Variants in TNPO2 observed in about 807,000 individuals in gnomAD.
TNPO2 encodes transportin-2.
In TNPO2, 16 loss-of-function variants were observed where a neutral mutation model predicts 111.1. That is an observed-to-expected ratio of 0.14 (90% CI 0.10 to 0.22). The LOEUF is 0.22. Ranked by LOEUF, TNPO2 falls within the 10% of genes least tolerant of loss-of-function variation. The pLI, the probability that TNPO2 is intolerant of heterozygous loss-of-function variation, is 1.00. For synonymous variants in TNPO2, 481 were observed against 475.8 expected, an observed-to-expected ratio of 1.01 and a Z score of -0.14; for missense variants, 530 against 1,173.7, an observed-to-expected ratio of 0.45 and a Z score of 8.01.
rs1032431099 is a variant in TNPO2, at chr19:12,715,783, C to A, written c.326-44G>T. 1.3e-6 allele frequency: 2 copies of A among 1,506,614 alleles called. No individual in the cohort carries two copies. Among genetic ancestry groups the A allele is most frequent in the East Asian group, 2.4e-5 (1 of 41,910 alleles). The allele number at this position is 1,506,614 out of a possible 1,614,324, so 93.3% of individuals were successfully genotyped here. A position where few individuals can be genotyped will look rare whatever the true frequency, so the allele number is the denominator to read the frequency against. ...GACGCTGCCTGAGGCTGGGCAGGGG[C>A]TGCCTAGCACCTCCCCCTCCCACTG... On this transcript the variant is annotated intron_variant, in intron 5 of 25. Coordinates refer to ENST00000425528, the MANE Select transcript of TNPO2 (RefSeq NM_001382241.1). The surrounding 1 kb of genome is among the most constrained non-coding windows in gnomAD (Gnocchi z 7.1).
rs2025621473 is a variant in TNPO2 at position 12,705,847 on chromosome 19, G to A, written c.1669-79C>T. The A allele has an allele frequency of 9.2e-7, 1 of 1,089,064 alleles. No individual in the cohort carries two copies. The highest frequency in any genetic ancestry group is 1.3e-6 in the Non-Finnish European group (1 of 773,796). 67.5% of individuals were successfully genotyped at this position (1,089,064 alleles called of 1,614,324 possible). A position where few individuals can be genotyped will look rare whatever the true frequency, so the allele number is the denominator to read the frequency against. On this transcript the variant is annotated intron_variant, in intron 15 of 25. Coordinates refer to ENST00000425528, the MANE Select transcript of TNPO2 (RefSeq NM_001382241.1). This position sits in a 1 kb window ranked among gnomAD's most constrained non-coding sequence, Gnocchi z 7.2. ...CTCAGGTACCTGTTGCCCGAGTGAT[G>A]AGGCCTGAGCGCCTCACCGTGGCTC...
Position 12,715,832 on chromosome 19 carries a change from G to C in TNPO2, c.326-93C>G, listed in dbSNP as rs1241490850. Reference sequence around the variant, plus strand: ...TGGACACCCCCAGTGCTGCCTTTCTGTTCCCTAGCCCATGTACGCCCTCTA... The same window carrying C: ...TGGACACCCCCAGTGCTGCCTTTCTCTTCCCTAGCCCATGTACGCCCTCTA... On this transcript the variant is annotated intron_variant, in intron 5 of 25. Coordinates refer to ENST00000425528, the MANE Select transcript of TNPO2 (RefSeq NM_001382241.1). The surrounding 1 kb of genome is among the most constrained non-coding windows in gnomAD (Gnocchi z 7.1). 13 of 1,013,326 alleles carry C rather than the reference G, an allele frequency of 1.3e-5. No homozygotes were observed. Among genetic ancestry groups the C allele is most frequent in the Non-Finnish European group, 1.9e-5 (13 of 679,250 alleles). 62.8% of individuals were successfully genotyped at this position (1,013,326 alleles called of 1,614,324 possible).
chr19:12,705,381 A>G lies in TNPO2; in HGVS notation c.1881T>C (p.Pro627=), dbSNP rs751823397. 9 of 1,585,746 alleles carry G rather than the reference A, an allele frequency of 5.7e-6. No homozygotes were observed. In the African/African-American group the frequency reaches 1.2e-4, roughly 21 times the overall value. ...LAQAMMYTQH[P]EQYEAPDKDF... ...CCTTGTCGGGAGCCTCATACTGCTC[A>G]GGGTGCTGGGTGTACATCTAGACAC... is the stretch of plus-strand genomic sequence containing the variant. Residue 627 remains proline, a synonymous_variant, in exon 18 of 26, where the codon CCT becomes CCC. Coordinates refer to ENST00000425528, the MANE Select transcript of TNPO2 (RefSeq NM_001382241.1). This position sits in a 1 kb window ranked among gnomAD's most constrained non-coding sequence, Gnocchi z 7.2.
intron 3 of TNPO2, among the ~76,000 whole-genome samples, chr19:12,720,102 C>T (rs944383846): frequency 4.6e-5 from 7 of 151,806 alleles, no homozygotes; most frequent in East Asian, 1.9e-4. Flanking sequence ...CTGCAACCTC[C>T]GCCTCCCAGG....
rs927670679 is a variant in TNPO2 at position 12,702,347 on chromosome 19, C to T, written c.2306-170G>A. 1.2e-5 allele frequency: 8 copies of T among 694,562 alleles called. No individual in the cohort carries two copies. The highest frequency in any genetic ancestry group is 2.1e-5 in the Non-Finnish European group (8 of 382,060). The allele number at this position is 694,562 out of a possible 1,614,324, so 43.0% of individuals were successfully genotyped here. A position where few individuals can be genotyped will look rare whatever the true frequency, so the allele number is the denominator to read the frequency against. On this transcript the variant is annotated intron_variant, in intron 21 of 25. Transcript: ENST00000425528. The surrounding 1 kb of genome is among the most constrained non-coding windows in gnomAD (Gnocchi z 5.5). ...CACCTGAGTCACTTCCCAGGTCTCT[C>T]TGCATCTATCTTTCTTTCTTTCCTT...
Position 12,715,335 on chromosome 19 carries a change from G to A in TNPO2, c.567-11C>T, listed in dbSNP as rs1322763791. 5 of 1,613,716 alleles carry A rather than the reference G, an allele frequency of 3.1e-6. No homozygotes were observed. Among genetic ancestry groups the A allele is most frequent in the Admixed American group, 3.3e-5 (2 of 59,982 alleles). On this transcript the variant is annotated splice_polypyrimidine_tract_variant and intron_variant, in intron 7 of 25. Transcript: ENST00000425528. This position sits in a 1 kb window ranked among gnomAD's most constrained non-coding sequence, Gnocchi z 7.1. ...GCGATGGCGTGGGACCTGGCGGGGA[G>A]CAGACACGTGGGTCACCCTGACCCT...
At chr19:12,718,494 C>CG (rs1287369609) in intron 5 of TNPO2, among the ~76,000 whole-genome samples, 4 of 151,796 alleles carry the variant, frequency 2.6e-5, no homozygotes, top group Non-Finnish European at 5.9e-5. Context: ...TAAGTAGAGA[C>CG]GGGGTTTCAC....
intron 13 of TNPO2, among the ~76,000 whole-genome samples, chr19:12,707,690 T>C (rs2025778933): frequency 6.6e-6 from 1 of 151,722 alleles, no homozygotes; most frequent in Admixed American, 6.6e-5. Context: ...GGTTTTACCA[T>C]GTTGGCTAGA....
rs1020740815 is a variant in TNPO2, at chr19:12,715,799, C to A, written c.326-60G>T. On this transcript the variant is annotated intron_variant, in intron 5 of 25. Coordinates refer to ENST00000425528, the MANE Select transcript of TNPO2 (RefSeq NM_001382241.1). The surrounding 1 kb of genome is among the most constrained non-coding windows in gnomAD (Gnocchi z 7.1). Reference sequence around the variant, plus strand: ...GGGCAGGGGCTGCCTAGCACCTCCCCCTCCCACTGGACACCCCCAGTGCTG... The same window carrying A: ...GGGCAGGGGCTGCCTAGCACCTCCCACTCCCACTGGACACCCCCAGTGCTG... 1.2e-4 allele frequency: 162 copies of A among 1,372,862 alleles called. 1 individual carries two copies. Among genetic ancestry groups the A allele is most frequent in the Non-Finnish European group, 3.8e-5 (38 of 991,996 alleles). 85.0% of individuals were successfully genotyped at this position (1,372,862 alleles called of 1,614,324 possible). A position where few individuals can be genotyped will look rare whatever the true frequency, so the allele number is the denominator to read the frequency against.
rs781416791 is a variant in TNPO2 at position 12,701,883 on chromosome 19, G to A, written c.2412-32C>T. 3.2e-6 allele frequency: 5 copies of A among 1,577,928 alleles called. No homozygotes were observed. The East Asian group carries it at 1.1e-4, about 35-fold the overall frequency. On this transcript the variant is annotated intron_variant, in intron 22 of 25. Coordinates refer to ENST00000425528, the MANE Select transcript of TNPO2 (RefSeq NM_001382241.1). The surrounding 1 kb of genome is among the most constrained non-coding windows in gnomAD (Gnocchi z 5.0). ...GAAGGTGAGCAGCTGGAGGTCAGAG[G>A]GCAGGCTGGGCATGCATCTGTGGAG...
In TNPO2 at chr19:12,705,382, G is replaced by GCCTCATACT; in HGVS notation, c.1879_1880insAGTATGAGG (p.Pro627delinsGlnTyrGluAla). ...CTTGTCGGGAGCCTCATACTGCTCA[G>GCCTCATACT]GGTGCTGGGTGTACATCTAGACACA... is the stretch of plus-strand genomic sequence containing the variant. On this transcript the variant is annotated protein_altering_variant, in exon 18 of 26. Coordinates refer to ENST00000425528, the MANE Select transcript of TNPO2 (RefSeq NM_001382241.1). This position sits in a 1 kb window ranked among gnomAD's most constrained non-coding sequence, Gnocchi z 7.2. 6.3e-7 allele frequency: 1 copy of GCCTCATACT among 1,584,916 alleles called. No homozygotes were observed. The highest frequency in any genetic ancestry group is 8.6e-7 in the Non-Finnish European group (1 of 1,165,794).
At position 12,705,888 on chromosome 19, in the gene TNPO2, G is replaced by A. The variant is rs556856675; in HGVS notation, c.1669-120C>T. ...ACCGTGGCTCATGGGACCCTGAAAGGCCTGCCATCTGGCCAGACCTCGAGG... is the reference window on the plus strand; with the variant it reads ...ACCGTGGCTCATGGGACCCTGAAAGACCTGCCATCTGGCCAGACCTCGAGG... On this transcript the variant is annotated intron_variant, in intron 15 of 25. Coordinates refer to ENST00000425528, the MANE Select transcript of TNPO2 (RefSeq NM_001382241.1). This position sits in a 1 kb window ranked among gnomAD's most constrained non-coding sequence, Gnocchi z 7.2. 6.4e-6 allele frequency: 5 copies of A among 779,704 alleles called. No individual in the cohort carries two copies. The highest frequency in any genetic ancestry group is 3.0e-5 in the Admixed American group (1 of 33,570). 48.3% of individuals were successfully genotyped at this position (779,704 alleles called of 1,614,324 possible). A position where few individuals can be genotyped will look rare whatever the true frequency, so the allele number is the denominator to read the frequency against.
rs750344071 is a variant in TNPO2 at position 12,706,162 on chromosome 19, G to C, written c.1668+34C>G. 6.2e-7 allele frequency: 1 copy of C among 1,604,916 alleles called. No individual in the cohort carries two copies. The highest frequency in any genetic ancestry group is 1.1e-5 in the South Asian group (1 of 90,128). On this transcript the variant is annotated intron_variant, in intron 15 of 25. Coordinates refer to ENST00000425528, the MANE Select transcript of TNPO2 (RefSeq NM_001382241.1). This position sits in a 1 kb window ranked among gnomAD's most constrained non-coding sequence, Gnocchi z 7.0. ...GGTCACTGGATGCCCAGGGGCACGGGGATCGGGAGGCGGGAGCCGCTCTGG... is the reference window on the plus strand; with the variant it reads ...GGTCACTGGATGCCCAGGGGCACGGCGATCGGGAGGCGGGAGCCGCTCTGG...
intron 10 of TNPO2, among the ~76,000 whole-genome samples, chr19:12,713,537 G>A (rs973722301): frequency 9.9e-5 from 15 of 152,062 alleles, no homozygotes; most frequent in African/African-American, 3.4e-4. Flanking sequence ...TATGCTGGGC[G>A]TGGTGACTCA....
chr19:12,705,387 C>T lies in TNPO2; in HGVS notation c.1875G>A (p.Gln625=), dbSNP rs1393650010. Reference sequence around the variant, plus strand: ...CGGGAGCCTCATACTGCTCAGGGTGCTGGGTGTACATCTAGACACAGATGC... The same window carrying T: ...CGGGAGCCTCATACTGCTCAGGGTGTTGGGTGTACATCTAGACACAGATGC... ...KTLAQAMMYT[Q]HPEQYEAPDK... The change falls in exon 18 of 26, where the codon CAG becomes CAA. Residue 625 remains glutamine (Q), a synonymous_variant. Coordinates refer to ENST00000425528, the MANE Select transcript of TNPO2 (RefSeq NM_001382241.1). The surrounding 1 kb of genome is among the most constrained non-coding windows in gnomAD (Gnocchi z 7.2). 40 of 1,584,634 alleles carry T rather than the reference C, an allele frequency of 2.5e-5. No homozygotes were observed. The highest frequency in any genetic ancestry group is 9.2e-5 in the East Asian group (4 of 43,288).
At position 12,701,963 on chromosome 19, in the gene TNPO2, G is replaced by A; in HGVS notation, c.2411+109C>T. The A allele has an allele frequency of 1.4e-6, 2 of 1,391,524 alleles. No individual in the cohort carries two copies. The highest frequency in any genetic ancestry group is 3.4e-5 in the Admixed American group (2 of 58,292). The allele number at this position is 1,391,524 out of a possible 1,614,324, so 86.2% of individuals were successfully genotyped here. ...CCTGGGACATGCATCTGTGGGGGTG[G>A]GGCAGGGCAGGGAGTCAGTAGGCAG... On this transcript the variant is annotated intron_variant, in intron 22 of 25. Transcript: ENST00000425528. The surrounding 1 kb of genome is among the most constrained non-coding windows in gnomAD (Gnocchi z 5.0).
Position 12,705,579 on chromosome 19 carries a change from G to A in TNPO2, c.1776C>T (p.Thr592=), listed in dbSNP as rs767569590. The part of the protein sequence containing the change: ...PLLECLSSVA[T]ALQSGFLPYC... ...AAGGCAGGAAGCCACTCTGCAGGGC[G>A]GTGGCCACCGATGACAGACACTGGC... is the stretch of plus-strand genomic sequence containing the variant. Residue 592 remains threonine, a synonymous_variant, in exon 17 of 26, where the codon ACC becomes ACT. Coordinates refer to ENST00000425528, the MANE Select transcript of TNPO2 (RefSeq NM_001382241.1). The surrounding 1 kb of genome is among the most constrained non-coding windows in gnomAD (Gnocchi z 7.2). 29 of 1,603,374 alleles carry A rather than the reference G, an allele frequency of 1.8e-5. No homozygotes were observed. The highest frequency in any genetic ancestry group is 2.3e-5 in the Non-Finnish European group (27 of 1,175,574).
chr19:12,701,208 C>T lies in TNPO2; in HGVS notation c.*56G>A, dbSNP rs1434165450. 5 of 671,064 alleles carry T rather than the reference C, an allele frequency of 7.5e-6. No homozygotes were observed. The highest frequency in any genetic ancestry group is 2.6e-4 in the Middle Eastern group (1 of 3,814). The allele number at this position is 671,064 out of a possible 1,614,324, so 41.6% of individuals were successfully genotyped here. ...AGCGACTTCCGGATGCAGCGCACTC[C>T]CCAGTAATCCCTCCGACGACGACGC... On this transcript the variant is annotated 3_prime_UTR_variant, in exon 26 of 26. Coordinates refer to ENST00000425528, the MANE Select transcript of TNPO2 (RefSeq NM_001382241.1). The surrounding 1 kb of genome is among the most constrained non-coding windows in gnomAD (Gnocchi z 5.0).
Position 12,711,472 on chromosome 19 carries a change from G to A in TNPO2, c.952-11C>T, listed in dbSNP as rs775812440. 1 of 1,613,928 alleles carries A rather than the reference G, an allele frequency of 6.2e-7. No homozygotes were observed. The highest frequency in any genetic ancestry group is 1.1e-5 in the South Asian group (1 of 91,076). On this transcript the variant is annotated splice_polypyrimidine_tract_variant and intron_variant, in intron 11 of 25. Transcript: ENST00000425528. ...CTCCTCCACATCCCCCTGGGGGACA[G>A]GCAGACTGTTAAGTACTTTGGGGAC...
Sources: allele counts gnomAD v4.1 joint callset (sites outside exome capture counted in the v4.1 genomes callset), GRCh38; gene constraint gnomAD v4.1.1; non-coding constraint Gnocchi (gnomAD v3.1); transcripts MANE v1.5; gene names NCBI Gene and HGNC (gene_info 2026-07-23, HGNC 2026-07-21).